Variants in FBXO22 observed in about 807,000 individuals in gnomAD.
FBXO22 encodes the protein F-box protein 22.
Under a neutral mutation model 37.2 loss-of-function variants are expected in FBXO22, and 13 were observed. That is an observed-to-expected ratio of 0.35 (90% confidence interval 0.23 to 0.56). The LOEUF is 0.56. FBXO22 is among the 20% of genes least tolerant of loss of function. The probability of loss-of-function intolerance (pLI) is 0.87; values close to 1 mark genes in which losing one functional copy is unlikely to be tolerated. For missense variants in FBXO22, 446 were observed against 509.9 expected (o/e 0.87, Z 1.21); for synonymous variants, 189 against 189.1 (o/e 1.00, Z 0.00).
At chr15:75,927,225 G>T (rs182774816) in intron 5 of FBXO22, among the ~76,000 whole-genome samples, 3 of 152,296 alleles carry the variant, frequency 2.0e-5, no homozygotes, top group Admixed American at 2.0e-4. Context: ...CAGCCTCTAG[G>T]CTAAACTTTC....
rs184274986 is a variant in FBXO22, at chr15:75,934,295, C to T, written c.*1193C>T. 23 of 152,354 alleles carry T rather than the reference C, an allele frequency of 1.5e-4. No homozygotes were observed. The highest frequency in any genetic ancestry group is 3.2e-4 in the Non-Finnish European group (22 of 68,056). 9.4% of individuals were successfully genotyped at this position (152,354 alleles called of 1,614,324 possible). On this transcript the variant is annotated 3_prime_UTR_variant, in exon 7 of 7. Coordinates refer to ENST00000308275, the MANE Select transcript of FBXO22 (RefSeq NM_147188.3). The stretch of plus-strand genomic sequence containing the variant: ...ACACACCATTGTAGAAGAAAAACAA[C>T]AGAAGGATCCTGGTCCCTGTACGAC...
At chr15:75,905,480 CTG>C (rs1233637894) in intron 2 of FBXO22, 1 of 152,256 alleles carries the variant, frequency 6.6e-6, no homozygotes, top group Non-Finnish European at 1.5e-5. Flanking sequence ...CTCTGTCACT[CTG>C]TTTACTTTAG....
chr15:75,923,513 A>G (rs1001540407), intron 5 of FBXO22, among the ~76,000 whole-genome samples: 1 of 152,166 alleles, frequency 6.6e-6, no homozygotes, highest in Non-Finnish European at 1.5e-5. Context: ...TTCTGCATTC[A>G]TGGATTCAGC....
chr15:75,933,248 G>A lies in FBXO22; in HGVS notation c.*146G>A. On this transcript the variant is annotated 3_prime_UTR_variant, in exon 7 of 7. Coordinates refer to ENST00000308275, the MANE Select transcript of FBXO22 (RefSeq NM_147188.3). ...ATTGATGCTCTAAGATCACATGAGG[G>A]TAGTATTTAATATATTAGATGAAGG... 1.5e-6 allele frequency: 1 copy of A among 683,388 alleles called. No individual in the cohort carries two copies. Among genetic ancestry groups the A allele is most frequent in the Non-Finnish European group, 2.4e-6 (1 of 416,716 alleles). 42.3% of individuals were successfully genotyped at this position (683,388 alleles called of 1,614,324 possible). A position where few individuals can be genotyped will look rare whatever the true frequency, so the allele number is the denominator to read the frequency against.
At chr15:75,929,515 T>G (rs934758603) in intron 5 of FBXO22, among the ~76,000 whole-genome samples, 7 of 85,604 alleles carry the variant, frequency 8.2e-5, no homozygotes, top group Admixed American at 2.2e-4. Flanking sequence ...TAAACCAGTG[T>G]TTTTTTTTTT....
chr15:75,906,659 CT>C (rs1018386691), intron 2 of FBXO22, among the ~76,000 whole-genome samples: 1 of 152,068 alleles, frequency 6.6e-6, no homozygotes, highest in African/African-American at 2.4e-5. Context: ...TTCTCCTTAC[CT>C]TGTTTGGGCT....
At chr15:75,925,495 AGT>A (rs1334012475) in intron 5 of FBXO22, among the ~76,000 whole-genome samples, 1 of 152,054 alleles carries the variant, frequency 6.6e-6, no homozygotes, top group African/African-American at 2.4e-5. Context: ...ATTCCAAAAA[AGT>A]GTGAAGAAGA....
intron 2 of FBXO22, 145 bp downstream of exon 2, chr15:75,904,774 T>C: frequency 1.3e-6 from 1 of 766,794 alleles, no homozygotes; most frequent in Non-Finnish European, 2.0e-6. Flanking sequence ...TTTTAGTGAC[T>C]ACACGGTAAG....
chr15:75,941,499 C>A lies in FBXO22; in HGVS notation c.*8397C>A, dbSNP rs1699275. On this transcript the variant is annotated 3_prime_UTR_variant, in exon 7 of 7. Coordinates refer to ENST00000308275, the MANE Select transcript of FBXO22 (RefSeq NM_147188.3). The stretch of plus-strand genomic sequence containing the variant: ...CAGTGTTCACTGCAGCATTATTCAC[C>A]GTAGTCAAAAGGTAGAAACAACCCA... The A allele has an allele frequency of 0.98, 148,919 of 152,324 alleles. 72,881 individuals are homozygous for A. Among genetic ancestry groups the A allele is most frequent in the East Asian group, 1 (5,192 of 5,192 alleles). 9.4% of individuals were successfully genotyped at this position (152,324 alleles called of 1,614,324 possible). A position where few individuals can be genotyped will look rare whatever the true frequency, so the allele number is the denominator to read the frequency against.
At chr15:75,924,553 AGT>A (rs755649149) in intron 5 of FBXO22, among the ~76,000 whole-genome samples, 33 of 152,314 alleles carry the variant, frequency 2.2e-4, no homozygotes, top group Admixed American at 1.7e-3. Context: ...ACCAAAGCAC[AGT>A]CTGAAAGCCC....
chr15:75,921,678 G>T lies in FBXO22; in HGVS notation c.628+4284G>T, dbSNP rs548101168. Among the ~76,000 whole-genome samples the T allele has an allele frequency of 2.2e-4, 34 of 152,026 alleles. No homozygotes were observed. In the South Asian group the frequency reaches 6.9e-3, roughly 31 times the overall value. ...TATCTCAAAAAAATAAAATAAAATT[G>T]TTCTTTAATAATAAATTAACTTTAG... On this transcript the variant is annotated intron_variant, in intron 5 of 6. Transcript: ENST00000308275.
rs955494198 is a variant in FBXO22 at position 75,936,914 on chromosome 15, C to G, written c.*3812C>G. On this transcript the variant is annotated 3_prime_UTR_variant, in exon 7 of 7. Transcript: ENST00000308275. The stretch of plus-strand genomic sequence containing the variant: ...TAAAACAGATTTATAAAAGTTTTTG[C>G]TATATAGTGACTGTTAGCCAGTAAA... 1 of 151,894 alleles carries G rather than the reference C, an allele frequency of 6.6e-6. No individual in the cohort carries two copies. Among genetic ancestry groups the G allele is most frequent in the Non-Finnish European group, 1.5e-5 (1 of 67,980 alleles). 9.4% of individuals were successfully genotyped at this position (151,894 alleles called of 1,614,324 possible). A position where few individuals can be genotyped will look rare whatever the true frequency, so the allele number is the denominator to read the frequency against.
intron 5 of FBXO22, among the ~76,000 whole-genome samples, chr15:75,925,070 G>GA: frequency 6.6e-6 from 1 of 152,298 alleles, no homozygotes; most frequent in East Asian, 1.9e-4. Context: ...TTTGCTCTTT[G>GA]AAGGAGAGGA....
Position 75,920,383 on chromosome 15 carries a change from A to G in FBXO22, c.628+2989A>G, listed in dbSNP as rs541853231. On this transcript the variant is annotated intron_variant, in intron 5 of 6. Coordinates refer to ENST00000308275, the MANE Select transcript of FBXO22 (RefSeq NM_147188.3). ...CAAGTGTCATTGAAGGCCTTGGAGT[A>G]AGCCAGTCCAGGGCAACATAGCCCA... Among the ~76,000 whole-genome samples, 88 of 152,340 alleles carry G rather than the reference A, an allele frequency of 5.8e-4. 1 individual carries two copies. Among genetic ancestry groups the G allele is most frequent in the Non-Finnish European group, 1.0e-3 (69 of 68,016 alleles).
At chr15:75,931,025 T>G (rs1375372156) in intron 6 of FBXO22, among the ~76,000 whole-genome samples, 2 of 152,138 alleles carry the variant, frequency 1.3e-5, no homozygotes, top group African/African-American at 4.8e-5. Flanking sequence ...AGGCAGGATA[T>G]CAAACACTGG....
At chr15:75,926,623 G>A (rs879406981) in intron 5 of FBXO22, among the ~76,000 whole-genome samples, 1 of 152,202 alleles carries the variant, frequency 6.6e-6, no homozygotes, top group African/African-American at 2.4e-5. Flanking sequence ...CATCATTCGA[G>A]GTTTACTGAG....
Position 75,940,961 on chromosome 15 carries a change from T to C in FBXO22, c.*7859T>C, listed in dbSNP as rs1329389201. The C allele has an allele frequency of 6.6e-6, 1 of 152,124 alleles. No homozygotes were observed. The highest frequency in any genetic ancestry group is 1.5e-5 in the Non-Finnish European group (1 of 67,982). The allele number at this position is 152,124 out of a possible 1,614,324, so 9.4% of individuals were successfully genotyped here. A position where few individuals can be genotyped will look rare whatever the true frequency, so the allele number is the denominator to read the frequency against. On this transcript the variant is annotated 3_prime_UTR_variant, in exon 7 of 7. Transcript: ENST00000308275. Reference sequence around the variant, plus strand: ...TAGGCAAATTATACTTCATTAAAATTTTGTGCATCAAAGAACACTATCAAC... The same window carrying C: ...TAGGCAAATTATACTTCATTAAAATCTTGTGCATCAAAGAACACTATCAAC...
chr15:75,905,117 C>A (rs1340859270), intron 2 of FBXO22, among the ~76,000 whole-genome samples: 1 of 151,976 alleles, frequency 6.6e-6, no homozygotes, highest in African/African-American at 2.4e-5. Flanking sequence ...GCCACCGCGC[C>A]CGGCATGTTG....
Position 75,919,828 on chromosome 15 carries a change from G to A in FBXO22, c.628+2434G>A, listed in dbSNP as rs117498241. ...GAGGAGCATACATGTGTCTGGGCTT[G>A]AAGTGACAATTAACGATGGCCAATG... On this transcript the variant is annotated intron_variant, in intron 5 of 6. Coordinates refer to ENST00000308275, the MANE Select transcript of FBXO22 (RefSeq NM_147188.3). Among the ~76,000 whole-genome samples the A allele has an allele frequency of 3.6e-4, 55 of 152,310 alleles. No homozygotes were observed. In the East Asian group the frequency reaches 0.011, roughly 29 times the overall value.
Sources: gnomAD v4.1 joint callset for allele counts (sites outside exome capture counted in the v4.1 genomes callset) on GRCh38, gnomAD v4.1.1 for gene constraint, MANE v1.5 for transcripts, NCBI Gene and HGNC (gene_info 2026-07-23, HGNC 2026-07-21) for gene names.